Variants in PRKACB observed in about 807,000 individuals in gnomAD.
PRKACB encodes protein kinase cAMP-activated catalytic subunit beta.
PRKACB carries 16 observed loss-of-function variants against 51.4 expected under a neutral mutation model. The observed-to-expected ratio is 0.31, with a 90% CI of 0.21 to 0.47. The LOEUF is 0.47. Ranked by LOEUF, PRKACB falls within the 20% of genes least tolerant of loss-of-function variation. The probability of loss-of-function intolerance (pLI) is 1.00; values close to 1 mark genes in which losing one functional copy is unlikely to be tolerated. For synonymous variants in PRKACB, 147 were observed against 154.4 expected, an observed-to-expected ratio of 0.95 and a Z score of 0.35; for missense variants, 309 against 464.5, an observed-to-expected ratio of 0.67 and a Z score of 3.08.
At chr1:84,213,386 G>T (rs1055031099) in intron 8 of PRKACB, among the ~76,000 whole-genome samples, 1 of 152,114 alleles carries the variant, frequency 6.6e-6, no homozygotes, top group Non-Finnish European at 1.5e-5. Flanking sequence ...TAGAGGAGAA[G>T]AATGTGTTTA....
At chr1:84,103,789 C>T (rs1649526730) in intron 1 of PRKACB, among the ~76,000 whole-genome samples, 1 of 152,178 alleles carries the variant, frequency 6.6e-6, no homozygotes. Flanking sequence ...CTATCACCTG[C>T]CCAACCTCAC....
At chr1:84,169,507 T>C (rs144803274) in intron 1 of PRKACB, among the ~76,000 whole-genome samples, 38 of 151,710 alleles carry the variant, frequency 2.5e-4, no homozygotes, top group African/African-American at 8.7e-4. Context: ...AAATTAATAA[T>C]GTGAAGATCT....
intron 1 of PRKACB, among the ~76,000 whole-genome samples, chr1:84,173,889 A>G (rs777618744): frequency 6.6e-6 from 1 of 151,792 alleles, no homozygotes; most frequent in Non-Finnish European, 1.5e-5. Context: ...TCTTTCTCTA[A>G]TAGAAAATTT....
At chr1:84,131,925 G>A (rs781198156) in intron 1 of PRKACB, among the ~76,000 whole-genome samples, 1 of 152,158 alleles carries the variant, frequency 6.6e-6, no homozygotes, top group Non-Finnish European at 1.5e-5. Context: ...AGGTCCCCTC[G>A]TAGTTCTTGC....
intron 9 of PRKACB, among the ~76,000 whole-genome samples, chr1:84,221,225 A>G (rs1673657313): frequency 6.6e-6 from 1 of 151,670 alleles, no homozygotes; most frequent in Non-Finnish European, 1.5e-5. Context: ...TTTTCCAGTT[A>G]GTTAGCATAT....
chr1:84,185,007 G>A, intron 4 of PRKACB, 93 bp from the exon 5 acceptor site: 1 of 656,620 alleles, frequency 1.5e-6, no homozygotes, highest in Non-Finnish European at 2.4e-6. Context: ...ATCTGTCAGA[G>A]AGATTTTAAA....
Position 84,183,385 on chromosome 1 carries a change from G to A in PRKACB, c.379-652G>A, listed in dbSNP as rs41300536. 9.1e-3 allele frequency among the ~76,000 whole-genome samples: 1,385 copies of A among 151,758 alleles called. 26 individuals are homozygous for A. The highest frequency in any genetic ancestry group is 0.031 in the African/African-American group (1,277 of 41,462). The stretch of plus-strand genomic sequence containing the variant: ...GACCTAGGATACAAAGATAGTTTTT[G>A]TTATAAAGATAGTTTTTTCCCCAAT... On this transcript the variant is annotated intron_variant, in intron 3 of 9. Coordinates refer to ENST00000370685, the MANE Select transcript of PRKACB (RefSeq NM_182948.4).
chr1:84,113,925 T>A (rs1650430033), intron 1 of PRKACB, among the ~76,000 whole-genome samples: 1 of 152,148 alleles, frequency 6.6e-6, no homozygotes, highest in Non-Finnish European at 1.5e-5. Flanking sequence ...TGGCAACCAT[T>A]TCACAACTTA....
intron 1 of PRKACB, among the ~76,000 whole-genome samples, chr1:84,131,084 C>T (rs575164744): frequency 5.0e-4 from 76 of 152,192 alleles, no homozygotes; most frequent in African/African-American, 1.7e-3. Context: ...TAGCTGGGTG[C>T]GGTGGCTCAC....
intron 1 of PRKACB, among the ~76,000 whole-genome samples, chr1:84,126,134 G>A (rs570795306): frequency 6.6e-6 from 1 of 152,246 alleles, no homozygotes; most frequent in South Asian, 2.1e-4. Context: ...GAGGGCATGT[G>A]TTACAGTGTG....
intron 8 of PRKACB, among the ~76,000 whole-genome samples, chr1:84,203,517 T>C (rs1482775407): frequency 6.6e-6 from 1 of 152,014 alleles, no homozygotes; most frequent in Non-Finnish European, 1.5e-5. Context: ...GATCTTTTTT[T>C]AAAAGACCAT....
intron 7 of PRKACB, among the ~76,000 whole-genome samples, chr1:84,199,201 G>A (rs75491257): frequency 0.014 from 2,169 of 151,136 alleles, 62 homozygotes; most frequent in African/African-American, 0.049. Flanking sequence ...GTTGGTTACA[G>A]ACGTAAACTC....
chr1:84,169,899 G>C (rs1367617419), intron 1 of PRKACB, among the ~76,000 whole-genome samples: 1 of 151,468 alleles, frequency 6.6e-6, no homozygotes, highest in Non-Finnish European at 1.5e-5. Flanking sequence ...CTAACATGAA[G>C]CTTGTCCTAT....
At position 84,238,293 on chromosome 1, in the gene PRKACB, T is replaced by G. The variant is rs745687591; in HGVS notation, c.*2988T>G. Reference sequence around the variant, plus strand: ...CTGTTTTTTCTGCTTGTTGTAAGAATCAAATGAAATAATGTATGTGAAAGC... The same window carrying G: ...CTGTTTTTTCTGCTTGTTGTAAGAAGCAAATGAAATAATGTATGTGAAAGC... On this transcript the variant is annotated 3_prime_UTR_variant, in exon 10 of 10. Transcript: ENST00000370685. 1 of 152,552 alleles carries G rather than the reference T, an allele frequency of 6.6e-6. No individual in the cohort carries two copies. The highest frequency in any genetic ancestry group is 2.4e-5 in the African/African-American group (1 of 41,426). The allele number at this position is 152,552 out of a possible 1,614,324, so 9.4% of individuals were successfully genotyped here.
chr1:84,204,185 T>C (rs936144164), intron 8 of PRKACB, among the ~76,000 whole-genome samples: 1 of 151,874 alleles, frequency 6.6e-6, no homozygotes, highest in Admixed American at 6.6e-5. Flanking sequence ...GGTCATGAGA[T>C]TTTCCCTTGT....
chr1:84,097,170 G>T (rs1281246453), intron 1 of PRKACB, among the ~76,000 whole-genome samples: 1 of 151,806 alleles, frequency 6.6e-6, no homozygotes. Flanking sequence ...TCCAGTTTGG[G>T]ACTATTATGA....
At chr1:84,095,540 C>A (rs1232814475) in intron 1 of PRKACB, among the ~76,000 whole-genome samples, 2 of 150,696 alleles carry the variant, frequency 1.3e-5, no homozygotes, top group Non-Finnish European at 3.0e-5. Context: ...GGTAGTATAT[C>A]TTTTTTTTTC....
chr1:84,205,154 A>G, intron 8 of PRKACB: 7 of 982,698 alleles, frequency 7.1e-6, no homozygotes, highest in Non-Finnish European at 7.3e-6. Context: ...TGTGGGATAT[A>G]AAATTATCCC....
chr1:84,085,166 A>G (rs6701486), intron 1 of PRKACB, among the ~76,000 whole-genome samples: 102,385 of 152,046 alleles, frequency 0.67, 35,712 homozygotes, highest in Non-Finnish European at 0.79. Flanking sequence ...TTAAGTGTGC[A>G]TCCTCTAAGC....
Sources: gnomAD v4.1 joint callset for allele counts (sites outside exome capture counted in the v4.1 genomes callset) on GRCh38, gnomAD v4.1.1 for gene constraint, MANE v1.5 for transcripts, NCBI Gene and HGNC (gene_info 2026-07-23, HGNC 2026-07-21) for gene names.